SHBG: variants seen among roughly 807,000 people sequenced by gnomAD.
SHBG encodes the protein sex hormone binding globulin.
SHBG carries 37 observed loss-of-function variants against 41.9 expected under a neutral mutation model. The observed-to-expected ratio is 0.88, with a 90% CI of 0.68 to 1.16. The LOEUF (loss-of-function observed/expected upper bound fraction) is 1.16. Ranked by LOEUF, SHBG falls within the 50% of genes most tolerant of loss-of-function variation. SHBG has a pLI of 0.00. For synonymous variants in SHBG, 217 were observed against 205.8 expected (o/e 1.05, Z -0.47); for missense variants, 466 against 499.9 (o/e 0.93, Z 0.65).
rs141042763 is a variant in SHBG at position 7,631,253 on chromosome 17, G to A, written c.447G>A (p.Glu149=). The change falls in exon 4 of 8, where the codon GAG becomes GAA. Residue 149 remains glutamate, a synonymous_variant. Transcript: ENST00000380450. ...TGCTGCTGGAGGTGGATGGGGAGGA[G>A]GTGCTGCGCCTGAGACAGGTCTCTG... ...DSVLLEVDGE[E]VLRLRQVSGP... The A allele has an allele frequency of 5.6e-6, 9 of 1,607,740 alleles. No individual in the cohort carries two copies. The African/African-American group carries it at 6.7e-5, about 12-fold the overall frequency.
chr17:7,624,989 GCC>G (rs1452098055), upstream of SHBG, among the ~76,000 whole-genome samples: 1 of 101,698 alleles, frequency 9.8e-6, no homozygotes, highest in East Asian at 3.0e-4. Flanking sequence ...TGCTCTTGTT[GCC>G]CAGGCTGGAG....
upstream of SHBG, among the ~76,000 whole-genome samples, chr17:7,629,417 G>A (rs1393151010): frequency 7.8e-6 from 1 of 127,882 alleles, no homozygotes; most frequent in Non-Finnish European, 1.8e-5. Flanking sequence ...AAAATAAAAT[G>A]GGTCAGGGAG....
upstream of SHBG, chr17:7,627,808 G>A: frequency 8.2e-6 from 6 of 735,798 alleles, no homozygotes; most frequent in Non-Finnish European, 1.2e-5. The surrounding 1 kb of genome is among the most constrained non-coding windows in gnomAD (Gnocchi z 4.8). Context: ...TTCCGGCGCC[G>A]TACGGGAGGA....
chr17:7,618,761 C>A (rs902772380), intron 1 of SHBG, among the ~76,000 whole-genome samples: 2 of 152,112 alleles, frequency 1.3e-5, no homozygotes, highest in African/African-American at 4.8e-5. Context: ...AACAGGACGT[C>A]AACACAAGAG....
chr17:7,622,385 G>C (rs1387044313), intron 1 of SHBG, among the ~76,000 whole-genome samples: 1 of 151,730 alleles, frequency 6.6e-6, no homozygotes. Context: ...CAATTCTGCT[G>C]CCTCAGCCTC....
chr17:7,631,250 G>T lies in SHBG; in HGVS notation c.444G>T (p.Glu148Asp), dbSNP rs186960957. The T allele has an allele frequency of 4.1e-5, 66 of 1,606,966 alleles. No individual in the cohort carries two copies. The East Asian group carries it at 1.4e-3, about 34-fold the overall frequency. The change falls in exon 4 of 8, where the codon GAG becomes GAT. Residue 148 changes from glutamate (E) to aspartate (D), a missense_variant. Physicochemically the swap from Glu to Asp is conservative, Grantham distance 45. Transcript: ENST00000380450. ...GDSVLLEVDG[E>D]EVLRLRQVSG... ...CTGTGCTGCTGGAGGTGGATGGGGA[G>T]GAGGTGCTGCGCCTGAGACAGGTCT...
intron 1 of SHBG, among the ~76,000 whole-genome samples, chr17:7,616,865 G>A (rs2072003405): frequency 6.6e-6 from 1 of 152,182 alleles, no homozygotes; most frequent in African/African-American, 2.4e-5. Flanking sequence ...GAACCTGGGA[G>A]GCAGAGGTTG....
chr17:7,630,959 C>A lies in SHBG; in HGVS notation c.393+90C>A. On this transcript the variant is annotated intron_variant, in intron 3 of 7. Coordinates refer to ENST00000380450, the MANE Select transcript of SHBG (RefSeq NM_001040.5). This position sits in a 1 kb window ranked among gnomAD's most constrained non-coding sequence, Gnocchi z 4.6. ...CAAGTTATTGGGCATCCCTCTACCACTGTCATCTCGTTTAATCCACACGAA... is the reference window on the plus strand; with the variant it reads ...CAAGTTATTGGGCATCCCTCTACCAATGTCATCTCGTTTAATCCACACGAA... The A allele has an allele frequency of 1.7e-6, 2 of 1,196,164 alleles. No individual in the cohort carries two copies. Among genetic ancestry groups the A allele is most frequent in the Non-Finnish European group, 2.4e-6 (2 of 821,558 alleles). 74.1% of individuals were successfully genotyped at this position (1,196,164 alleles called of 1,614,324 possible). A position where few individuals can be genotyped will look rare whatever the true frequency, so the allele number is the denominator to read the frequency against.
chr17:7,615,838 A>G (rs1001755466), intron 1 of SHBG, among the ~76,000 whole-genome samples: 7 of 150,268 alleles, frequency 4.7e-5, no homozygotes, highest in Non-Finnish European at 1.0e-4. Context: ...AGTCTCAAAA[A>G]AAAAAAAAAA....
At chr17:7,621,985 C>G (rs1485058521) in intron 1 of SHBG, among the ~76,000 whole-genome samples, 1 of 150,710 alleles carries the variant, frequency 6.6e-6, no homozygotes, top group African/African-American at 2.4e-5. Context: ...TACAGGCATG[C>G]GCCACCATGC....
intron 6 of SHBG, 53 bp from the exon 7 acceptor site, chr17:7,632,699 C>A: frequency 1.4e-6 from 2 of 1,425,778 alleles, no homozygotes; most frequent in Non-Finnish European, 2.0e-6. Context: ...AGGCAGTAGG[C>A]CCGGCTCATT....
At chr17:7,617,088 A>G (rs2072007567) in intron 1 of SHBG, among the ~76,000 whole-genome samples, 1 of 152,194 alleles carries the variant, frequency 6.6e-6, no homozygotes, top group South Asian at 2.1e-4. Context: ...GGTAATGCCA[A>G]TCATGGAAGA....
upstream of SHBG, chr17:7,627,508 T>G: frequency 4.1e-6 from 5 of 1,228,912 alleles, no homozygotes; most frequent in Non-Finnish European, 5.9e-6. The surrounding 1 kb of genome is among the most constrained non-coding windows in gnomAD (Gnocchi z 4.8). Flanking sequence ...TGCCCCCGCC[T>G]CCTACGACCC....
upstream of SHBG, among the ~76,000 whole-genome samples, chr17:7,623,036 C>CA (rs34479809): frequency 2.0e-3 from 265 of 131,162 alleles, no homozygotes; most frequent in Non-Finnish European, 2.9e-3. Context: ...GACTCCGTCT[C>CA]AAAAAAAAAA....
upstream of SHBG, chr17:7,627,953 C>T: frequency 1.8e-6 from 1 of 542,674 alleles, no homozygotes; most frequent in South Asian, 1.6e-5. The surrounding 1 kb of genome is among the most constrained non-coding windows in gnomAD (Gnocchi z 4.8). Context: ...AGCCCCACCC[C>T]CGACAGCTGG....
At chr17:7,630,104 C>G (rs750524491), upstream of SHBG, 1 of 1,351,866 alleles carries the variant, frequency 7.4e-7, no homozygotes, top group Non-Finnish European at 1.1e-6. The surrounding 1 kb of genome is among the most constrained non-coding windows in gnomAD (Gnocchi z 4.6). Flanking sequence ...ACCGCCCACA[C>G]GCAAGGCTGC....
rs754083080 is a variant in SHBG, at chr17:7,630,415, G to C, written c.112-1G>C. On this transcript the variant is annotated splice_acceptor_variant, in intron 1 of 7. Transcript: ENST00000380450. LOFTEE classifies it high-confidence loss of function. This position sits in a 1 kb window ranked among gnomAD's most constrained non-coding sequence, Gnocchi z 4.6. ...CTTTGTTTGTTTTCTCTTTCTGATA[G>C]AGTGCCCACGACCCTCCGGCTGTCC... 3 of 1,613,770 alleles carry C rather than the reference G, an allele frequency of 1.9e-6. No individual in the cohort carries two copies. The highest frequency in any genetic ancestry group is 2.5e-6 in the Non-Finnish European group (3 of 1,179,790).
At position 7,616,451 on chromosome 17, in the gene SHBG, CAAAAAAAAAA is replaced by C. The variant is rs71159512; in HGVS notation, c.-62+2355_-62+2364del. 1.0e-3 allele frequency among the ~76,000 whole-genome samples: 105 copies of C among 101,522 alleles called. 1 individual carries two copies. Among genetic ancestry groups the C allele is most frequent in the African/African-American group, 2.9e-3 (61 of 21,180 alleles). The allele number at this position is 101,522 out of a possible 152,430, so 66.6% of individuals were successfully genotyped here. On this transcript the variant is annotated intron_variant, in intron 1 of 5. Coordinates refer to the SHBG transcript ENST00000570547. ...TGAAACCCCATCTCAACTAAAAATA[CAAAAAAAAAA>C]AAAAAAAAAAAAAATTAGCTGGGCG...
intron 1 of SHBG, among the ~76,000 whole-genome samples, chr17:7,618,327 A>G (rs1597893920): frequency 6.7e-6 from 1 of 150,032 alleles, no homozygotes; most frequent in Non-Finnish European, 1.5e-5. Context: ...ACTGGAGTGC[A>G]GTGGTATGAT....
Sources: gnomAD v4.1 joint callset for allele counts (sites outside exome capture counted in the v4.1 genomes callset) on GRCh38, gnomAD v4.1.1 for gene constraint, Gnocchi (gnomAD v3.1) non-coding constraint, MANE v1.5 for transcripts, NCBI Gene and HGNC (gene_info 2026-07-23, HGNC 2026-07-21) for gene names.